The following TMEM240 variants were observed in gnomAD, a reference collection of about 807,000 sequenced individuals.
TMEM240 encodes the protein transmembrane protein C1orf70.
TMEM240 carries 3 observed loss-of-function variants against 19.5 expected under a neutral mutation model. That is an observed-to-expected ratio of 0.15 (90% CI 0.07 to 0.40). The LOEUF is 0.40. Ranked by LOEUF, TMEM240 falls within the 10% of genes least tolerant of loss-of-function variation. The pLI, the probability that TMEM240 is intolerant of heterozygous loss-of-function variation, is 1.00. For synonymous variants in TMEM240, 123 were observed against 109.3 expected, an observed-to-expected ratio of 1.13 and a Z score of -0.78; for missense variants, 210 against 253.5, an observed-to-expected ratio of 0.83 and a Z score of 1.17.
In TMEM240 at chr1:1,535,150, ACCCAACCCCCACCCTAGCCCACAC is replaced by A; in HGVS notation, c.*185_*208del. ...CCCCCCAACTGCAGGGTCTCCCCTA[ACCCAACCCCCACCCTAGCCCACAC>A]CCCAACCCCCTTTATAAAAAGAAGA... On this transcript the variant is annotated 3_prime_UTR_variant, in exon 4 of 4. Transcript: ENST00000378733. This position sits in a 1 kb window ranked among gnomAD's most constrained non-coding sequence, Gnocchi z 8.2. 2 of 463,714 alleles carry A rather than the reference ACCCAACCCCCACCCTAGCCCACAC, an allele frequency of 4.3e-6. No homozygotes were observed. Among genetic ancestry groups the A allele is most frequent in the South Asian group, 5.2e-5 (2 of 38,414 alleles). The allele number at this position is 463,714 out of a possible 1,614,324, so 28.7% of individuals were successfully genotyped here. A position where few individuals can be genotyped will look rare whatever the true frequency, so the allele number is the denominator to read the frequency against.
In TMEM240 at chr1:1,535,861, G is replaced by A. The variant is rs1642210724; in HGVS notation, c.165-64C>T. 1.1e-5 allele frequency: 16 copies of A among 1,398,618 alleles called. No individual in the cohort carries two copies. In the East Asian group the frequency reaches 1.7e-4, roughly 14 times the overall value. The allele number at this position is 1,398,618 out of a possible 1,614,324, so 86.6% of individuals were successfully genotyped here. Reference sequence around the variant, plus strand: ...CCCCGGCCTGGCCTTCCCCCGGGGCGCCTACCCCGTGGTGGGGGTGTGACC... The same window carrying A: ...CCCCGGCCTGGCCTTCCCCCGGGGCACCTACCCCGTGGTGGGGGTGTGACC... On this transcript the variant is annotated intron_variant, in intron 2 of 3. Transcript: ENST00000378733. The surrounding 1 kb of genome is among the most constrained non-coding windows in gnomAD (Gnocchi z 8.2).
At position 1,535,218 on chromosome 1, in the gene TMEM240, ACT is replaced by A. The variant is rs919274584; in HGVS notation, c.*139_*140del. The A allele has an allele frequency of 1.6e-5, 13 of 809,748 alleles. No homozygotes were observed. Among genetic ancestry groups the A allele is most frequent in the East Asian group, 1.1e-4 (3 of 26,152 alleles). 50.2% of individuals were successfully genotyped at this position (809,748 alleles called of 1,614,324 possible). A position where few individuals can be genotyped will look rare whatever the true frequency, so the allele number is the denominator to read the frequency against. ...AAGAAGAGACAGCACCTTCCACTGG[ACT>A]CTCCCGGCCGGCCACAGCCCCGGAC... On this transcript the variant is annotated 3_prime_UTR_variant, in exon 4 of 4. Coordinates refer to ENST00000378733, the MANE Select transcript of TMEM240 (RefSeq NM_001114748.2). This position sits in a 1 kb window ranked among gnomAD's most constrained non-coding sequence, Gnocchi z 8.2.
Position 1,535,918 on chromosome 1 carries a change from A to AGGAT in TMEM240, c.165-122_165-121insATCC. On this transcript the variant is annotated intron_variant, in intron 2 of 3. Coordinates refer to ENST00000378733, the MANE Select transcript of TMEM240 (RefSeq NM_001114748.2). This position sits in a 1 kb window ranked among gnomAD's most constrained non-coding sequence, Gnocchi z 8.2. ...GGCCGCCCTGGGGGTTCTCTGAAGCAGCCTCTTGGGCGGGCGGGTCGGGAA... is the reference window on the plus strand; with the variant it reads ...GGCCGCCCTGGGGGTTCTCTGAAGCAGGATGCCTCTTGGGCGGGCGGGTCGGGAA... The AGGAT allele has an allele frequency of 2.4e-6, 1 of 422,576 alleles. No homozygotes were observed. Among genetic ancestry groups the AGGAT allele is most frequent in the Non-Finnish European group, 4.7e-6 (1 of 212,726 alleles). The allele number at this position is 422,576 out of a possible 1,614,324, so 26.2% of individuals were successfully genotyped here.
chr1:1,539,839 C>A (rs1418002933), intron 1 of TMEM240, 49 bp from the exon 2 acceptor site: 6 of 819,228 alleles, frequency 7.3e-6, no homozygotes, highest in Non-Finnish European at 1.1e-5. Flanking sequence ...CGGGACGAAG[C>A]GGGGCTGGGG....
chr1:1,535,791 A>G lies in TMEM240; in HGVS notation c.171T>C (p.His57=). The change falls in exon 3 of 4, where the codon CAT becomes CAC. Residue 57 remains histidine (H), a synonymous_variant. Transcript: ENST00000378733. This position sits in a 1 kb window ranked among gnomAD's most constrained non-coding sequence, Gnocchi z 8.2. Reference sequence around the variant, plus strand: ...CGTCGTACGGGATCACGTAGTGGATATGGTGCCTGGGGGCGGCAGGGCGGG... The same window carrying G: ...CGTCGTACGGGATCACGTAGTGGATGTGGTGCCTGGGGGCGGCAGGGCGGG... The part of the protein sequence containing the change: ...RVCHCNCGRH[H]IHYVIPYDGD... The G allele has an allele frequency of 1.3e-6, 2 of 1,549,588 alleles. No individual in the cohort carries two copies. The highest frequency in any genetic ancestry group is 1.2e-5 in the South Asian group (1 of 84,048).
rs1201267791 is a variant in TMEM240 at position 1,535,147 on chromosome 1, C to T, written c.*212G>A. On this transcript the variant is annotated 3_prime_UTR_variant, in exon 4 of 4. Coordinates refer to ENST00000378733, the MANE Select transcript of TMEM240 (RefSeq NM_001114748.2). This position sits in a 1 kb window ranked among gnomAD's most constrained non-coding sequence, Gnocchi z 8.2. Reference sequence around the variant, plus strand: ...CTGCCCCCCAACTGCAGGGTCTCCCCTAACCCAACCCCCACCCTAGCCCAC... The same window carrying T: ...CTGCCCCCCAACTGCAGGGTCTCCCTTAACCCAACCCCCACCCTAGCCCAC... The T allele has an allele frequency of 5.7e-6, 3 of 527,878 alleles. No homozygotes were observed. The African/African-American group carries it at 6.2e-5, about 11-fold the overall frequency. The allele number at this position is 527,878 out of a possible 1,614,324, so 32.7% of individuals were successfully genotyped here.
At position 1,534,927 on chromosome 1, in the gene TMEM240, C is replaced by T. The variant is rs569445820; in HGVS notation, c.*432G>A. Among the ~76,000 whole-genome samples the T allele has an allele frequency of 2.0e-5, 3 of 151,832 alleles. No homozygotes were observed. The highest frequency in any genetic ancestry group is 4.2e-4 in the South Asian group (2 of 4,808). On this transcript the variant is annotated 3_prime_UTR_variant, in exon 4 of 4. Coordinates refer to ENST00000378733, the MANE Select transcript of TMEM240 (RefSeq NM_001114748.2). Reference sequence around the variant, plus strand: ...CACACGCGGGTGCTCCCCTCGCCCCCCTCCCCTCCGCCCAAGCTGGCTGGG... The same window carrying T: ...CACACGCGGGTGCTCCCCTCGCCCCTCTCCCCTCCGCCCAAGCTGGCTGGG...
Position 1,536,383 on chromosome 1 carries a change from G to A in TMEM240, c.165-586C>T, listed in dbSNP as rs1365141814. Among the ~76,000 whole-genome samples, 2 of 152,160 alleles carry A rather than the reference G, an allele frequency of 1.3e-5. No homozygotes were observed. The highest frequency in any genetic ancestry group is 2.4e-5 in the African/African-American group (1 of 41,428). On this transcript the variant is annotated intron_variant, in intron 2 of 3. Transcript: ENST00000378733. This position sits in a 1 kb window ranked among gnomAD's most constrained non-coding sequence, Gnocchi z 5.4. ...TCCTCTATCCCTGGGAGGTGCTGTCGGAGGCCACGGGGGCTCTACCCAGCA... is the reference window on the plus strand; with the variant it reads ...TCCTCTATCCCTGGGAGGTGCTGTCAGAGGCCACGGGGGCTCTACCCAGCA...
Position 1,535,628 on chromosome 1 carries a change from G to T in TMEM240, c.334C>A (p.His112Asn). 6.5e-7 allele frequency: 1 copy of T among 1,549,814 alleles called. No homozygotes were observed. Among genetic ancestry groups the T allele is most frequent in the South Asian group, 1.2e-5 (1 of 84,062 alleles). Reference sequence around the variant, plus strand: ...GCTCTCCAGGCGCGCACGGCGCAGTGCAGGACGCCGTCCATCCACACCAGG... The same window carrying T: ...GCTCTCCAGGCGCGCACGGCGCAGTTCAGGACGCCGTCCATCCACACCAGG... Reference protein sequence around the residue: ...WFLVWMDGVLHCAVRAWRAGR... With the variant: ...WFLVWMDGVLNCAVRAWRAGR... Residue 112 changes from histidine (H) to asparagine (N), a missense_variant, in exon 3 of 4, where the codon CAC becomes AAC. Coordinates refer to ENST00000378733, the MANE Select transcript of TMEM240 (RefSeq NM_001114748.2). The surrounding 1 kb of genome is among the most constrained non-coding windows in gnomAD (Gnocchi z 8.2).
rs1642216479 is a variant in TMEM240, at chr1:1,536,138, T to G, written c.165-341A>C. ...GAAGGTGCTGCAGGTGGAAGAGGCC[T>G]CCCCCGGAGGGGGCTCAGGACGGCG... On this transcript the variant is annotated intron_variant, in intron 2 of 3. Transcript: ENST00000378733. The surrounding 1 kb of genome is among the most constrained non-coding windows in gnomAD (Gnocchi z 5.4). 6.6e-6 allele frequency among the ~76,000 whole-genome samples: 1 copy of G among 151,888 alleles called. No individual in the cohort carries two copies. Among genetic ancestry groups the G allele is most frequent in the Non-Finnish European group, 1.5e-5 (1 of 67,942 alleles).
In TMEM240 at chr1:1,535,308, A is replaced by G. The variant is rs901683540; in HGVS notation, c.*51T>C. On this transcript the variant is annotated 3_prime_UTR_variant, in exon 4 of 4. Coordinates refer to ENST00000378733, the MANE Select transcript of TMEM240 (RefSeq NM_001114748.2). The surrounding 1 kb of genome is among the most constrained non-coding windows in gnomAD (Gnocchi z 8.2). ...CGGGCGTCCACGAGGTCCCTTTTAC[A>G]TCTGTACAGCAGCCGGTTGGCTCGG... 29 of 1,538,906 alleles carry G rather than the reference A, an allele frequency of 1.9e-5. No homozygotes were observed. Among genetic ancestry groups the G allele is most frequent in the Non-Finnish European group, 2.4e-5 (27 of 1,141,402 alleles).
rs1642213726 is a variant in TMEM240 at position 1,536,006 on chromosome 1, T to C, written c.165-209A>G. On this transcript the variant is annotated intron_variant, in intron 2 of 3. Transcript: ENST00000378733. This position sits in a 1 kb window ranked among gnomAD's most constrained non-coding sequence, Gnocchi z 5.4. ...AGAGGGAGTGGGAGGTCAGTGGCCA[T>C]GGGCTGTGGAGGCCGAGCGTGAAGT... Among the ~76,000 whole-genome samples the C allele has an allele frequency of 6.6e-6, 1 of 152,056 alleles. No homozygotes were observed. The highest frequency in any genetic ancestry group is 1.5e-5 in the Non-Finnish European group (1 of 67,974).
chr1:1,535,923 C>A lies in TMEM240; in HGVS notation c.165-126G>T. 1 of 404,316 alleles carries A rather than the reference C, an allele frequency of 2.5e-6. No individual in the cohort carries two copies. The allele number at this position is 404,316 out of a possible 1,614,324, so 25.0% of individuals were successfully genotyped here. On this transcript the variant is annotated intron_variant, in intron 2 of 3. Coordinates refer to ENST00000378733, the MANE Select transcript of TMEM240 (RefSeq NM_001114748.2). This position sits in a 1 kb window ranked among gnomAD's most constrained non-coding sequence, Gnocchi z 8.2. ...CCCTGGGGGTTCTCTGAAGCAGCCT[C>A]TTGGGCGGGCGGGTCGGGAAGGGGG...
Position 1,535,632 on chromosome 1 carries a change from G to A in TMEM240, c.330C>T (p.Val110=). The A allele has an allele frequency of 6.5e-7, 1 of 1,549,848 alleles. No homozygotes were observed. Among genetic ancestry groups the A allele is most frequent in the Non-Finnish European group, 8.7e-7 (1 of 1,146,584 alleles). The change falls in exon 3 of 4, where the codon GTC becomes GTT. Residue 110 remains valine (V), a synonymous_variant. Transcript: ENST00000378733. The surrounding 1 kb of genome is among the most constrained non-coding windows in gnomAD (Gnocchi z 8.2). ...TCCAGGCGCGCACGGCGCAGTGCAG[G>A]ACGCCGTCCATCCACACCAGGAACC... ...ISWFLVWMDG[V]LHCAVRAWRA... is the part of the protein sequence containing the mutation.
intron 1 of TMEM240, 38 bp from the exon 2 acceptor site, chr1:1,539,828 G>A: frequency 6.6e-7 from 1 of 1,522,722 alleles, no homozygotes. Context: ...CAAGGAGCGG[G>A]CGGGACGAAG....
rs1162934686 is a variant in TMEM240 at position 1,540,512 on chromosome 1, G to GT, written c.-167_-166insA. 4 of 176,560 alleles carry GT rather than the reference G, an allele frequency of 2.3e-5. No individual in the cohort carries two copies. Among genetic ancestry groups the GT allele is most frequent in the South Asian group, 3.9e-4 (2 of 5,112 alleles). 10.9% of individuals were successfully genotyped at this position (176,560 alleles called of 1,614,324 possible). A position where few individuals can be genotyped will look rare whatever the true frequency, so the allele number is the denominator to read the frequency against. On this transcript the variant is annotated 5_prime_UTR_variant, in exon 1 of 4. Transcript: ENST00000378733. The stretch of plus-strand genomic sequence containing the variant: ...ACCGGCCGGGGGGAGGAGGCGCGGG[G>GT]GGGGGGGCGCCGGGGAGGGACGCGG...
Position 1,535,946 on chromosome 1 carries a change from G to T in TMEM240, c.165-149C>A. The T allele has an allele frequency of 1.6e-6, 1 of 644,402 alleles. No individual in the cohort carries two copies. Among genetic ancestry groups the T allele is most frequent in the Non-Finnish European group, 2.8e-6 (1 of 359,096 alleles). The allele number at this position is 644,402 out of a possible 1,614,324, so 39.9% of individuals were successfully genotyped here. A position where few individuals can be genotyped will look rare whatever the true frequency, so the allele number is the denominator to read the frequency against. On this transcript the variant is annotated intron_variant, in intron 2 of 3. Transcript: ENST00000378733. This position sits in a 1 kb window ranked among gnomAD's most constrained non-coding sequence, Gnocchi z 8.2. ...CTCTTGGGCGGGCGGGTCGGGAAGG[G>T]GGCACCAGACTCAACGAGGCCCAGG...
At chr1:1,539,610 C>A (rs1437999720) in intron 2 of TMEM240, 74 bp downstream of exon 2, 3 of 1,335,596 alleles carry the variant, frequency 2.2e-6, no homozygotes, top group African/African-American at 1.5e-5. Flanking sequence ...GGGGCTGGTT[C>A]CCCCGCGCCC....
chr1:1,536,126 G>T lies in TMEM240; in HGVS notation c.165-329C>A, dbSNP rs893838556. Among the ~76,000 whole-genome samples the T allele has an allele frequency of 6.6e-6, 1 of 152,090 alleles. No homozygotes were observed. Among genetic ancestry groups the T allele is most frequent in the Non-Finnish European group, 1.5e-5 (1 of 67,980 alleles). On this transcript the variant is annotated intron_variant, in intron 2 of 3. Transcript: ENST00000378733. This position sits in a 1 kb window ranked among gnomAD's most constrained non-coding sequence, Gnocchi z 5.4. Reference sequence around the variant, plus strand: ...TGGAGCTCACGGGAAGGTGCTGCAGGTGGAAGAGGCCTCCCCCGGAGGGGG... The same window carrying T: ...TGGAGCTCACGGGAAGGTGCTGCAGTTGGAAGAGGCCTCCCCCGGAGGGGG...
Sources: gnomAD v4.1 joint callset for allele counts (sites outside exome capture counted in the v4.1 genomes callset) on GRCh38, gnomAD v4.1.1 for gene constraint, Gnocchi (gnomAD v3.1) non-coding constraint, MANE v1.5 for transcripts, NCBI Gene and HGNC (gene_info 2026-07-23, HGNC 2026-07-21) for gene names.